TSPAN7: variants seen among roughly 807,000 people sequenced by gnomAD.
TSPAN7 encodes the protein tetraspanin 7, also known as tetraspanin-7.
A neutral mutation model predicts 17.6 loss-of-function variants in TSPAN7; 1 was observed. The observed-to-expected ratio is 0.06, with a 90% CI of 0.02 to 0.27. The LOEUF (loss-of-function observed/expected upper bound fraction) is 0.27, where lower values mean the gene tolerates loss of function less well. TSPAN7 is among the 10% of genes least tolerant of loss of function. TSPAN7 has a pLI of 1.00. For missense variants in TSPAN7, 112 were observed against 201.7 expected (o/e 0.56, Z 2.69); for synonymous variants, 78 against 79.0 (o/e 0.99, Z 0.07).
chrX:38,685,748 T>C (rs756591152), intron 6 of TSPAN7, among the ~76,000 whole-genome samples: 1 of 112,302 alleles, frequency 8.9e-6, no homozygotes, highest in South Asian at 3.7e-4. Flanking sequence ...TTGTATTAGG[T>C]ATTATGAGTA....
At chrX:38,652,695 G>A (rs1569312317) in intron 1 of TSPAN7, among the ~76,000 whole-genome samples, 1 of 112,396 alleles carries the variant, frequency 8.9e-6, no homozygotes, top group East Asian at 2.8e-4. Context: ...TAAGGGGCAC[G>A]GGAGGCCCGT....
chrX:38,637,147 C>T (rs1379257240), intron 1 of TSPAN7, among the ~76,000 whole-genome samples: 1 of 111,908 alleles, frequency 8.9e-6, no homozygotes, highest in Non-Finnish European at 1.9e-5. Context: ...GTTCCTGTGT[C>T]CTGGTTAGGA....
chrX:38,663,713 A>G (rs1411390926), intron 1 of TSPAN7, among the ~76,000 whole-genome samples: 2 of 112,305 alleles, frequency 1.8e-5, no homozygotes, highest in East Asian at 5.5e-4. Context: ...AGGCATTAAA[A>G]TGATCTTGGT....
chrX:38,686,639 G>A (rs2069929042), intron 6 of TSPAN7, among the ~76,000 whole-genome samples: 1 of 112,114 alleles, frequency 8.9e-6, no homozygotes, highest in Non-Finnish European at 1.9e-5. Context: ...CTAAGGAGGA[G>A]GGACTACATT....
At chrX:38,583,768 A>G (rs1476560519) in intron 1 of TSPAN7, among the ~76,000 whole-genome samples, 1 of 110,265 alleles carries the variant, frequency 9.1e-6, no homozygotes, top group African/African-American at 3.3e-5. Flanking sequence ...TTTGCTGACC[A>G]TTGTTAACCT....
intron 1 of TSPAN7, among the ~76,000 whole-genome samples, chrX:38,657,273 T>G (rs1337259387): frequency 2.7e-5 from 3 of 112,080 alleles, no homozygotes; most frequent in Non-Finnish European, 5.6e-5. Context: ...TAAAAGGCTC[T>G]CTTAACAAGG....
At position 38,623,767 on chromosome X, in the gene TSPAN7, T is replaced by C. The variant is rs767027159; in HGVS notation, c.82-42354T>C. On this transcript the variant is annotated intron_variant, in intron 1 of 7. Transcript: ENST00000378482. Reference sequence around the variant, plus strand: ...CTATATTGATATCCCAAACTCAATGTGTCCCCAAACTGAACAGATTTTTCT... The same window carrying C: ...CTATATTGATATCCCAAACTCAATGCGTCCCCAAACTGAACAGATTTTTCT... Among the ~76,000 whole-genome samples, 14 of 109,258 alleles carry C rather than the reference T, an allele frequency of 1.3e-4. No homozygotes were observed. In the South Asian group the frequency reaches 1.7e-3, roughly 13 times the overall value. The allele number at this position is 109,258 out of a possible 115,157, so 94.9% of individuals were successfully genotyped here.
At chrX:38,673,872 A>C (rs2069837316) in intron 3 of TSPAN7, among the ~76,000 whole-genome samples, 1 of 110,775 alleles carries the variant, frequency 9.0e-6, no homozygotes, top group East Asian at 2.8e-4. Flanking sequence ...TTATAGAAAG[A>C]TGGGTATTAA....
chrX:38,640,536 A>T (rs1266875327), intron 1 of TSPAN7, among the ~76,000 whole-genome samples: 1 of 111,998 alleles, frequency 8.9e-6, no homozygotes, highest in Non-Finnish European at 1.9e-5. Flanking sequence ...TTCAAGGAGA[A>T]GCCTGGAAAT....
At chrX:38,596,939 G>A (rs2069321511) in intron 1 of TSPAN7, among the ~76,000 whole-genome samples, 1 of 110,995 alleles carries the variant, frequency 9.0e-6, no homozygotes, top group African/African-American at 3.3e-5. Flanking sequence ...TGAGCAAAGG[G>A]GTCATCTTGA....
chrX:38,590,075 T>C (rs1005704532), intron 1 of TSPAN7, among the ~76,000 whole-genome samples: 1 of 112,594 alleles, frequency 8.9e-6, no homozygotes, highest in Non-Finnish European at 1.9e-5. Flanking sequence ...TAATGTATTA[T>C]CCTTTTTATG....
rs1404725583 is a variant in TSPAN7 at position 38,662,080 on chromosome X, G to A, written c.82-4041G>A. ...AGTTAGAGTGTTTTATGGATCTTTAGCCCTTTGCTTGTAGGTGAGTTTTTT... is the reference window on the plus strand; with the variant it reads ...AGTTAGAGTGTTTTATGGATCTTTAACCCTTTGCTTGTAGGTGAGTTTTTT... On this transcript the variant is annotated intron_variant, in intron 1 of 7. Coordinates refer to ENST00000378482, the MANE Select transcript of TSPAN7 (RefSeq NM_004615.4). Among the ~76,000 whole-genome samples the A allele has an allele frequency of 2.7e-5, 3 of 111,423 alleles. No individual in the cohort carries two copies. The East Asian group carries it at 8.5e-4, about 32-fold the overall frequency.
intron 1 of TSPAN7, among the ~76,000 whole-genome samples, chrX:38,594,504 C>G: frequency 9.0e-6 from 1 of 111,406 alleles, no homozygotes; most frequent in East Asian, 2.8e-4. Flanking sequence ...CTTAGCACCC[C>G]TTCCCATCCC....
At chrX:38,678,336 C>T (rs749492887) in intron 5 of TSPAN7, among the ~76,000 whole-genome samples, 11 of 112,029 alleles carry the variant, frequency 9.8e-5, no homozygotes, top group Non-Finnish European at 2.1e-4. Context: ...TAGTTAAAGT[C>T]GGTCACTTGC....
chrX:38,645,617 G>A (rs1368845228), intron 1 of TSPAN7, among the ~76,000 whole-genome samples: 2 of 111,615 alleles, frequency 1.8e-5, no homozygotes, highest in East Asian at 5.6e-4. Context: ...AGGAGGGGCT[G>A]TGCAGAAAGT....
chrX:38,584,218 G>T (rs1231985868), intron 1 of TSPAN7, among the ~76,000 whole-genome samples: 1 of 110,478 alleles, frequency 9.1e-6, no homozygotes, highest in Non-Finnish European at 1.9e-5. Context: ...CTCCCAAAGT[G>T]CTAGGATTAT....
chrX:38,599,909 CT>C (rs2069336906), intron 1 of TSPAN7, among the ~76,000 whole-genome samples: 1 of 112,007 alleles, frequency 8.9e-6, no homozygotes, highest in African/African-American at 3.2e-5. Flanking sequence ...TCAATCCTCT[CT>C]TTTCTGCTAG....
intron 1 of TSPAN7, among the ~76,000 whole-genome samples, chrX:38,616,952 G>A (rs1048791430): frequency 6.3e-5 from 7 of 111,578 alleles, no homozygotes; most frequent in Non-Finnish European, 1.9e-5. Flanking sequence ...GATAAATATC[G>A]ACTTTGAAAG....
intron 1 of TSPAN7, among the ~76,000 whole-genome samples, chrX:38,613,434 G>A (rs533856078): frequency 7.6e-4 from 85 of 112,004 alleles, no homozygotes; most frequent in South Asian, 5.2e-3. Context: ...TGGTTTCTTG[G>A]GAACTAGAAA....
Sources: allele counts gnomAD v4.1 joint callset (sites outside exome capture counted in the v4.1 genomes callset), GRCh38; gene constraint gnomAD v4.1.1; transcripts MANE v1.5; gene names NCBI Gene and HGNC (gene_info 2026-07-23, HGNC 2026-07-21).